The following NOTCH2 variants were observed in gnomAD, a reference collection of about 807,000 sequenced individuals.
NOTCH2 encodes neurogenic locus notch homolog protein 2.
A neutral mutation model predicts 235.8 loss-of-function variants in NOTCH2; 29 were observed. That is an observed-to-expected ratio of 0.12 (90% CI 0.09 to 0.17). The LOEUF (loss-of-function observed/expected upper bound fraction) is 0.17. NOTCH2 is among the 10% of genes least tolerant of loss of function. The pLI is 1.00. For synonymous variants in NOTCH2, 1,086 were observed against 1,141.5 expected (o/e 0.95, Z 0.98); for missense variants, 2,285 against 3,150.2 (o/e 0.73, Z 6.57).
chr1:119,952,054 T>C (rs984539621), intron 14 of NOTCH2, among the ~76,000 whole-genome samples: 4 of 152,230 alleles, frequency 2.6e-5, no homozygotes, highest in African/African-American at 7.2e-5. Flanking sequence ...CACAATAGCA[T>C]AGCACAATAT....
chr1:119,929,193 G>A lies in NOTCH2; in HGVS notation c.3675C>T (p.Asn1225=), dbSNP rs141228614. The change falls in exon 23 of 34, where the codon AAC becomes AAT. Residue 1225 remains asparagine, a synonymous_variant. Coordinates refer to ENST00000256646, the MANE Select transcript of NOTCH2 (RefSeq NM_024408.4). ...GGGGACCCCGGGCACAGTCATCAAT[G>A]TTCTCTTCACAGAGTAGGCCTGGAG... ...PGTRGLLCEE[N]IDDCARGPHC... is the part of the protein sequence containing the mutation. 18 of 1,613,848 alleles carry A rather than the reference G, an allele frequency of 1.1e-5. No individual in the cohort carries two copies. The South Asian group carries it at 1.8e-4, about 16-fold the overall frequency.
chr1:120,041,351 C>T (rs856496), intron 1 of NOTCH2, among the ~76,000 whole-genome samples: 2 of 125,612 alleles, frequency 1.6e-5, no homozygotes. Flanking sequence ...AATTTATCTT[C>T]AAGACTACTC....
In NOTCH2 at chr1:119,915,810, A is replaced by C; in HGVS notation, c.6912T>G (p.Ile2304Met). The C allele has an allele frequency of 8.1e-6, 13 of 1,613,210 alleles. No individual in the cohort carries two copies. Among genetic ancestry groups the C allele is most frequent in the Non-Finnish European group, 1.1e-5 (13 of 1,179,396 alleles). ...ITTPREPLPP[I>M]VTFQLIPKGS... ...CTTTAGGGATGAGCTGGAAAGTCAC[A>C]ATGGGGGGCAAGGGCTCCCGAGGGG... Residue 2304 changes from isoleucine to methionine, a missense_variant, in exon 34 of 34, where the codon ATT (isoleucine) becomes ATG (methionine). Coordinates refer to ENST00000256646, the MANE Select transcript of NOTCH2 (RefSeq NM_024408.4).
intron 17 of NOTCH2, 56 bp downstream of exon 17, chr1:119,948,358 G>A (rs904151768): frequency 3.7e-6 from 6 of 1,606,336 alleles, no homozygotes; most frequent in Admixed American, 3.3e-5. Flanking sequence ...GCTCTCCTCT[G>A]CTCCCTGTGT....
At position 120,066,435 on chromosome 1, in the gene NOTCH2, CAG is replaced by C. The variant is rs781857043; in HGVS notation, c.73+2897_73+2898del. On this transcript the variant is annotated intron_variant, in intron 1 of 33. Coordinates refer to ENST00000256646, the MANE Select transcript of NOTCH2 (RefSeq NM_024408.4). ...AACAGATTTTGATGTAGCCAGGACA[CAG>C]AGTTTTTTCTACCATAATGGGAGAG... Among the ~76,000 whole-genome samples, 65 of 144,130 alleles carry C rather than the reference CAG, an allele frequency of 4.5e-4. 1 individual carries two copies. Among genetic ancestry groups the C allele is most frequent in the Non-Finnish European group, 8.2e-4 (55 of 66,970 alleles). 94.6% of individuals were successfully genotyped at this position (144,130 alleles called of 152,430 possible).
At chr1:120,051,267 A>ACACACACG (rs1654981927) in intron 1 of NOTCH2, among the ~76,000 whole-genome samples, 1 of 102,996 alleles carries the variant, frequency 9.7e-6, no homozygotes. Flanking sequence ...ACACACACAC[A>ACACACACG]CACACACGCA....
intron 5 of NOTCH2, among the ~76,000 whole-genome samples, chr1:119,982,577 C>T (rs900192313): frequency 1.3e-5 from 2 of 152,252 alleles, no homozygotes; most frequent in African/African-American, 4.8e-5. Context: ...AGCAGAACTT[C>T]TCTGATAAGA....
chr1:120,069,215 C>A (rs2101451085), intron 1 of NOTCH2, 119 bp downstream of exon 1: 1 of 1,527,176 alleles, frequency 6.5e-7, no homozygotes, highest in East Asian at 2.5e-5. Context: ...CGAGTGGCCT[C>A]GCTCCGCGCC....
chr1:119,951,845 T>A (rs587764030), intron 14 of NOTCH2, among the ~76,000 whole-genome samples: 1 of 152,256 alleles, frequency 6.6e-6, no homozygotes, highest in East Asian at 1.9e-4. Flanking sequence ...ACTGGGCATA[T>A]AATTTGGGAT....
At chr1:119,971,380 T>G (rs1651356262) in intron 5 of NOTCH2, among the ~76,000 whole-genome samples, 1 of 152,244 alleles carries the variant, frequency 6.6e-6, no homozygotes, top group Non-Finnish European at 1.5e-5. Flanking sequence ...CAAACCCTCC[T>G]GGCCATGGCT....
intron 1 of NOTCH2, among the ~76,000 whole-genome samples, chr1:120,064,751 CAAAA>C (rs200720209): frequency 1.2e-5 from 1 of 84,042 alleles, no homozygotes; most frequent in Admixed American, 1.2e-4. Context: ...TCTCTTGGTT[CAAAA>C]AAAAAAAAAA....
chr1:120,046,064 A>G (rs1407956753), intron 1 of NOTCH2, among the ~76,000 whole-genome samples: 1 of 150,914 alleles, frequency 6.6e-6, no homozygotes, highest in East Asian at 1.9e-4. Context: ...ATGCTTTAAA[A>G]ATGTTTTTCT....
At chr1:119,930,406 A>G (rs1217322247) in intron 22 of NOTCH2, among the ~76,000 whole-genome samples, 1 of 150,706 alleles carries the variant, frequency 6.6e-6, no homozygotes, top group Non-Finnish European at 1.5e-5. Context: ...TCTAGTATGA[A>G]TATCTGCATA....
At chr1:119,983,428 G>C (rs1468585008) in intron 5 of NOTCH2, among the ~76,000 whole-genome samples, 8 of 152,028 alleles carry the variant, frequency 5.3e-5, no homozygotes, top group African/African-American at 1.9e-4. Context: ...GCTGGGATTA[G>C]AGGCATGAGC....
chr1:119,966,087 A>G (rs767185888), intron 9 of NOTCH2, among the ~76,000 whole-genome samples: 7 of 152,228 alleles, frequency 4.6e-5, no homozygotes, highest in Non-Finnish European at 8.8e-5. Flanking sequence ...AATCCCGAAT[A>G]GCCTACAACT....
intron 5 of NOTCH2, among the ~76,000 whole-genome samples, chr1:119,983,273 C>T (rs1553201877): frequency 6.6e-6 from 1 of 151,220 alleles, no homozygotes; most frequent in Non-Finnish European, 1.5e-5. Flanking sequence ...GCGTGATTAG[C>T]CTCCCAAGTG....
At chr1:119,922,900 TC>T (rs1443661318) in intron 26 of NOTCH2, 122 bp from the exon 27 acceptor site, 35 of 1,192,978 alleles carry the variant, frequency 2.9e-5, no homozygotes, top group Non-Finnish European at 3.9e-5. Context: ...CAGCATCAGG[TC>T]CCCACCTCTG....
intron 31 of NOTCH2, among the ~76,000 whole-genome samples, chr1:119,918,966 G>C (rs984790375): frequency 6.6e-6 from 1 of 152,054 alleles, no homozygotes; most frequent in Non-Finnish European, 1.5e-5. Flanking sequence ...ATACAGTCAG[G>C]CCAATCCATA....
intron 3 of NOTCH2, among the ~76,000 whole-genome samples, chr1:120,001,552 A>C (rs1391774439): frequency 2.0e-5 from 3 of 152,200 alleles, no homozygotes; most frequent in Non-Finnish European, 4.4e-5. Flanking sequence ...TGCCAGCAGC[A>C]GAAACCAACA....
Sources: gnomAD v4.1 joint callset for allele counts (sites outside exome capture counted in the v4.1 genomes callset) on GRCh38, gnomAD v4.1.1 for gene constraint, MANE v1.5 for transcripts, NCBI Gene and HGNC (gene_info 2026-07-23, HGNC 2026-07-21) for gene names.